CEP295: variants seen among roughly 807,000 people sequenced by gnomAD.
CEP295 encodes the protein centrosomal protein 295, also known as centrosomal protein of 295 kDa.
CEP295 carries 190 observed loss-of-function variants against 291.6 expected under a neutral mutation model. The ratio of observed to expected loss-of-function variants is 0.65; its 90% CI spans 0.58 to 0.73. The LOEUF (loss-of-function observed/expected upper bound fraction) is 0.73. Ranked by LOEUF, CEP295 falls within the 30% of genes least tolerant of loss-of-function variation. The pLI is 0.00. For missense variants in CEP295, 2,863 were observed against 2,949.4 expected, an observed-to-expected ratio of 0.97 and a Z score of 0.68; for synonymous variants, 993 against 1,038.8, an observed-to-expected ratio of 0.96 and a Z score of 0.85.
rs1009796822 is a variant in CEP295, at chr11:93,682,328, A to G, written c.766-1231A>G. On this transcript the variant is annotated intron_variant, in intron 7 of 29. Transcript: ENST00000325212. ...AACCTCTGCCTCCTGGGTTCAAGCA[A>G]TTCTCCCGCCCCAGCCTCCCGAGTA... is the stretch of plus-strand genomic sequence containing the variant. Among the ~76,000 whole-genome samples, 190 of 152,134 alleles carry G rather than the reference A, an allele frequency of 1.2e-3. 1 individual carries two copies. Among genetic ancestry groups the G allele is most frequent in the African/African-American group, 4.2e-3 (174 of 41,498 alleles).
intron 18 of CEP295, among the ~76,000 whole-genome samples, chr11:93,708,739 A>T (rs533701573): frequency 6.6e-6 from 1 of 152,194 alleles, no homozygotes; most frequent in African/African-American, 2.4e-5. Context: ...ACTGCTCTTC[A>T]TAGTGGCTGT....
chr11:93,672,120 T>C (rs1950479764), intron 5 of CEP295, among the ~76,000 whole-genome samples: 1 of 152,236 alleles, frequency 6.6e-6, no homozygotes, highest in Non-Finnish European at 1.5e-5. Flanking sequence ...CCAAAGTCCT[T>C]TAATAGGTAA....
In CEP295 at chr11:93,722,854, G is replaced by A. The variant is rs372510111; in HGVS notation, c.5948-187G>A. On this transcript the variant is annotated intron_variant, in intron 20 of 29. Coordinates refer to ENST00000325212, the MANE Select transcript of CEP295 (RefSeq NM_033395.2). ...CTCTCCCGAGTAGCTGGGACTACAG[G>A]TGTGCGCCACCACGCCCAGCTGATT... 318 of 477,536 alleles carry A rather than the reference G, an allele frequency of 6.7e-4. 1 individual carries two copies. Among genetic ancestry groups the A allele is most frequent in the African/African-American group, 5.4e-3 (274 of 51,050 alleles). 29.6% of individuals were successfully genotyped at this position (477,536 alleles called of 1,614,324 possible). A position where few individuals can be genotyped will look rare whatever the true frequency, so the allele number is the denominator to read the frequency against.
rs183899203 is a variant in CEP295 at position 93,673,991 on chromosome 11, C to T, written c.529-1580C>T. Among the ~76,000 whole-genome samples, 211 of 150,874 alleles carry T rather than the reference C, an allele frequency of 1.4e-3. 1 individual carries two copies. The highest frequency in any genetic ancestry group is 5.0e-3 in the African/African-American group (204 of 41,068). On this transcript the variant is annotated intron_variant, in intron 5 of 29. Transcript: ENST00000325212. ...TTTTTGAGACAGATTCTTGCTCTGT[C>T]GCCCAGGTTGGAGTGCAGTGGCACA...
At chr11:93,679,348 T>G in intron 6 of CEP295, 64 bp from the exon 7 acceptor site, 2 of 1,399,800 alleles carry the variant, frequency 1.4e-6, no homozygotes, top group Non-Finnish European at 1.9e-6. Context: ...GGTTGTTTTG[T>G]TTTTTAGTTA....
intron 23 of CEP295, 72 bp downstream of exon 23, chr11:93,725,903 C>G (rs943803359): frequency 7.6e-7 from 1 of 1,312,346 alleles, no homozygotes; most frequent in African/African-American, 1.5e-5. Flanking sequence ...GAAATTAAGC[C>G]TAGCACCTCT....
At chr11:93,669,088 A>G (rs1300920439) in intron 4 of CEP295, among the ~76,000 whole-genome samples, 156 bp downstream of exon 4, 1 of 152,134 alleles carries the variant, frequency 6.6e-6, no homozygotes, top group Admixed American at 6.5e-5. Flanking sequence ...GGGACAGGGA[A>G]TGATTTGCTT....
Position 93,697,470 on chromosome 11 carries a change from A to T in CEP295, c.2558A>T (p.Gln853Leu). ...GGTAATATGAAGGCCCTCCAAGAAC[A>T]GTTAGACCTACAGAAGAAAGTTCTT... ...QQGNMKALQE[Q>L]LDLQKKVLQA... The change falls in exon 15 of 30, where the codon CAG becomes CTG. Residue 853 changes from glutamine (Q) to leucine (L), a missense_variant. Physicochemically the swap from Gln to Leu is moderately radical, Grantham distance 113. This residue lies in a region of CEP295 where 2,295 missense variants were observed against 2,335.7 expected (regional missense o/e 0.98). Coordinates refer to ENST00000325212, the MANE Select transcript of CEP295 (RefSeq NM_033395.2). 1 of 1,552,104 alleles carries T rather than the reference A, an allele frequency of 6.4e-7. No homozygotes were observed. The highest frequency in any genetic ancestry group is 8.7e-7 in the Non-Finnish European group (1 of 1,147,072).
At position 93,698,471 on chromosome 11, in the gene CEP295, G is replaced by A. The variant is rs555023177; in HGVS notation, c.3559G>A (p.Val1187Ile). The A allele has an allele frequency of 2.0e-4, 308 of 1,551,962 alleles. 5 individuals carry two copies. The South Asian group carries it at 3.5e-3, about 18-fold the overall frequency. Residue 1187 changes from valine to isoleucine, a missense_variant, in exon 15 of 30, where the codon GTA becomes ATA. Coordinates refer to ENST00000325212, the MANE Select transcript of CEP295 (RefSeq NM_033395.2). Reference sequence around the variant, plus strand: ...TGCTAAAGAAGGAACTCAGGAATTTGTACACACAGAAAGTGAATTGGAGAA... The same window carrying A: ...TGCTAAAGAAGGAACTCAGGAATTTATACACACAGAAAGTGAATTGGAGAA... ...LGAKEGTQEF[V>I]HTESELEKRI...
Position 93,728,702 on chromosome 11 carries a change from A to G in CEP295, c.7183A>G (p.Ile2395Val), listed in dbSNP as rs746672361. ...ACAGGAAACAGAAACTGGCCATGGTATAATGGAAGAACCAGAACTTACTTT... is the reference window on the plus strand; with the variant it reads ...ACAGGAAACAGAAACTGGCCATGGTGTAATGGAAGAACCAGAACTTACTTT... ...PVWETETGHG[I>V]MEEPELTLIS... The change falls in exon 25 of 30, where the codon ATA becomes GTA. Residue 2395 changes from isoleucine to valine, a missense_variant. By Grantham distance (29) the Ile-to-Val change is conservative (BLOSUM62 3). This residue lies in a region of CEP295 where 2,295 missense variants were observed against 2,335.7 expected (regional missense o/e 0.98). Coordinates refer to ENST00000325212, the MANE Select transcript of CEP295 (RefSeq NM_033395.2). The G allele has an allele frequency of 6.5e-7, 1 of 1,544,902 alleles. No individual in the cohort carries two copies. Among genetic ancestry groups the G allele is most frequent in the South Asian group, 1.2e-5 (1 of 82,248 alleles).
At chr11:93,666,443 A>G (rs1950210390) in intron 1 of CEP295, among the ~76,000 whole-genome samples, 2 of 152,180 alleles carry the variant, frequency 1.3e-5, no homozygotes, top group South Asian at 4.1e-4. Flanking sequence ...AAAATACATA[A>G]GTTAGCTGGG....
At chr11:93,686,151 T>G (rs1951224161) in intron 9 of CEP295, among the ~76,000 whole-genome samples, 1 of 151,994 alleles carries the variant, frequency 6.6e-6, no homozygotes, top group Admixed American at 6.5e-5. Context: ...AAACCCTGTC[T>G]CTACCAAAAA....
chr11:93,719,899 G>A (rs1464697379), intron 18 of CEP295, among the ~76,000 whole-genome samples: 1 of 152,086 alleles, frequency 6.6e-6, no homozygotes, highest in Non-Finnish European at 1.5e-5. Context: ...TTTCTCACAA[G>A]TGTCAGTTGG....
In CEP295 at chr11:93,687,640, T is replaced by C. The variant is rs1465943560; in HGVS notation, c.1115-4T>C. ...TAAGTTTTTTCCCTTTTTCTTTCTT[T>C]TAGTTCCCTTGGTAATGAAGACCCA... On this transcript the variant is annotated splice_region_variant and splice_polypyrimidine_tract_variant and intron_variant, in intron 9 of 29. Transcript: ENST00000325212. The C allele has an allele frequency of 1.1e-5, 16 of 1,461,186 alleles. No homozygotes were observed. The highest frequency in any genetic ancestry group is 1.4e-5 in the African/African-American group (1 of 70,192). 90.5% of individuals were successfully genotyped at this position (1,461,186 alleles called of 1,614,324 possible).
chr11:93,702,532 A>G lies in CEP295; in HGVS notation c.5347A>G (p.Thr1783Ala). 6.4e-7 allele frequency: 1 copy of G among 1,551,162 alleles called. No individual in the cohort carries two copies. Among genetic ancestry groups the G allele is most frequent in the South Asian group, 1.2e-5 (1 of 83,938 alleles). The change falls in exon 16 of 30, where the codon ACA (threonine) becomes GCA (alanine). Residue 1783 changes from threonine (T) to alanine (A), a missense_variant. Coordinates refer to ENST00000325212, the MANE Select transcript of CEP295 (RefSeq NM_033395.2). ...MGQLRDWFPNTQDLAGNDQEN... is the reference protein window; with the variant it reads ...MGQLRDWFPNAQDLAGNDQEN... ...GCAGCTCAGAGACTGGTTTCCTAAT[A>G]CACAAGACCTAGCAGGAAATGATCA... is the stretch of plus-strand genomic sequence containing the variant.
intron 18 of CEP295, among the ~76,000 whole-genome samples, chr11:93,715,230 C>T (rs757598044): frequency 2.8e-4 from 43 of 152,180 alleles, no homozygotes; most frequent in Non-Finnish European, 5.4e-4. Context: ...CCCTCCCCTT[C>T]CTTAGGCAAA....
In CEP295 at chr11:93,727,065, GAAGC is replaced by G. The variant is rs1220697839; in HGVS notation, c.6593_6596del (p.Ala2198GlufsTer7). The stretch of plus-strand genomic sequence containing the variant: ...TGATCTACCAAGTATTTTTAGCATT[GAAGC>G]AAGAGATTCTTCCCAAGGCATGAAA... On this transcript the variant is annotated frameshift_variant, in exon 24 of 30. Coordinates refer to ENST00000325212, the MANE Select transcript of CEP295 (RefSeq NM_033395.2). LOFTEE classifies it high-confidence loss of function. 6.4e-7 allele frequency: 1 copy of G among 1,551,660 alleles called. No homozygotes were observed. The highest frequency in any genetic ancestry group is 1.4e-5 in the African/African-American group (1 of 73,146).
chr11:93,667,021 A>G (rs962996423), intron 2 of CEP295, among the ~76,000 whole-genome samples: 6 of 152,220 alleles, frequency 3.9e-5, no homozygotes, highest in Admixed American at 3.9e-4. Context: ...GAAGATAGGT[A>G]TTATTTGACT....
chr11:93,671,804 A>G (rs1274219047), intron 5 of CEP295, among the ~76,000 whole-genome samples: 2 of 152,194 alleles, frequency 1.3e-5, no homozygotes, highest in African/African-American at 4.8e-5. Context: ...TCACATACAC[A>G]GGATATAGAT....
Sources: allele counts gnomAD v4.1 joint callset (sites outside exome capture counted in the v4.1 genomes callset), GRCh38; gene constraint gnomAD v4.1.1; regional missense constraint gnomAD v4.1.1; transcripts MANE v1.5; gene names NCBI Gene and HGNC (gene_info 2026-07-23, HGNC 2026-07-21).